Variants in COPG1 observed in about 807,000 individuals in gnomAD.
The protein encoded by COPG1 is coat protein complex I subunit gamma 1.
Under a neutral mutation model 102.8 loss-of-function variants are expected in COPG1, and 29 were observed. That is an observed-to-expected ratio of 0.28 (90% CI 0.21 to 0.38). The LOEUF is 0.38. COPG1 is among the 10% of genes least tolerant of loss of function. COPG1 has a pLI of 1.00. For synonymous variants in COPG1, 406 were observed against 421.6 expected, an observed-to-expected ratio of 0.96 and a Z score of 0.45; for missense variants, 875 against 1,132.7, an observed-to-expected ratio of 0.77 and a Z score of 3.27.
chr3:129,272,348 C>T lies in COPG1; in HGVS notation c.2091C>T (p.Ser697=). The change falls in exon 20 of 24, where the codon AGC becomes AGT. Residue 697 remains serine (S), a synonymous_variant. Coordinates refer to ENST00000314797, the MANE Select transcript of COPG1 (RefSeq NM_016128.4). ...TGCTCTGTTACGTGCCTGCCCGGAG[C>T]CTGCCCTACAACCAGCCCGGGACCT... ...YEVLCYVPAR[S]LPYNQPGTCY... 1 of 1,614,140 alleles carries T rather than the reference C, an allele frequency of 6.2e-7. No homozygotes were observed.
intron 2 of COPG1, 175 bp downstream of exon 2, chr3:129,250,909 CTTCTTTT>C: frequency 4.5e-6 from 1 of 220,690 alleles, no homozygotes; most frequent in Non-Finnish European, 8.5e-6. Context: ...GTTATGCTTA[CTTCTTTT>C]TTTTTTTTTT....
intron 8 of COPG1, among the ~76,000 whole-genome samples, chr3:129,257,186 T>G (rs1381425190): frequency 6.6e-6 from 1 of 152,230 alleles, no homozygotes; most frequent in African/African-American, 2.4e-5. Flanking sequence ...ATCTTTGTGC[T>G]GTTTGTTGTC....
intron 2 of COPG1, among the ~76,000 whole-genome samples, chr3:129,251,607 G>A (rs58539172): frequency 6.3e-4 from 95 of 150,312 alleles, no homozygotes; most frequent in African/African-American, 2.2e-3. Flanking sequence ...GGAGAATGGT[G>A]TGAATCCTGA....
intron 10 of COPG1, 135 bp downstream of exon 10, chr3:129,257,995 C>T: frequency 1.8e-6 from 2 of 1,107,922 alleles, no homozygotes; most frequent in South Asian, 1.5e-5. Flanking sequence ...AGCACCTGCC[C>T]CAGACACTAT....
At position 129,271,861 on chromosome 3, in the gene COPG1, T is replaced by C. The variant is rs775672233; in HGVS notation, c.1938T>C (p.Tyr646=). 3 of 1,614,150 alleles carry C rather than the reference T, an allele frequency of 1.9e-6. No individual in the cohort carries two copies. The Admixed American group carries it at 5.0e-5, about 27-fold the overall frequency. ...CCCTCACCGAGTCAGAGACGGAGTA[T>C]GTCATCCGCTGCACCAAACACACCT... The part of the protein sequence containing the change: ...PVALTESETE[Y]VIRCTKHTFT... The change falls in exon 19 of 24, where the codon TAT becomes TAC. Residue 646 remains tyrosine, a synonymous_variant. Transcript: ENST00000314797. The surrounding 1 kb of genome is among the most constrained non-coding windows in gnomAD (Gnocchi z 4.7).
Position 129,274,911 on chromosome 3 carries a change from A to G in COPG1, c.2330A>G (p.Asp777Gly), listed in dbSNP as rs1360115496. ...VMKLNFEAAWDEVGDEFEKEE... is the reference protein window; with the variant it reads ...VMKLNFEAAWGEVGDEFEKEE... ...AAACTGAACTTCGAAGCAGCCTGGG[A>G]TGAGGTAGGGGATGAATTTGAGAAG... Residue 777 changes from aspartate (D) to glycine (G), a missense_variant, in exon 22 of 24, where the codon GAT becomes GGT. Asp to Gly is a moderately conservative substitution (Grantham distance 94). Transcript: ENST00000314797. 6.2e-7 allele frequency: 1 copy of G among 1,614,150 alleles called. No homozygotes were observed.
rs1376282365 is a variant in COPG1 at position 129,252,305 on chromosome 3, A to T, written c.115A>T (p.Ile39Phe). ...QEARVFNETP[I>F]NPRKCAHILT... ...GGCCCGTGTATTTAATGAAACTCCCATCAACCCTCGGAAATGTGCCCACAT... is the reference window on the plus strand; with the variant it reads ...GGCCCGTGTATTTAATGAAACTCCCTTCAACCCTCGGAAATGTGCCCACAT... Residue 39 changes from isoleucine to phenylalanine, a missense_variant, in exon 3 of 24, where the codon ATC becomes TTC. Transcript: ENST00000314797. The T allele has an allele frequency of 6.2e-7, 1 of 1,612,696 alleles. No homozygotes were observed. The highest frequency in any genetic ancestry group is 1.7e-5 in the Admixed American group (1 of 60,000).
chr3:129,258,428 G>C (rs1490048228), intron 10 of COPG1, among the ~76,000 whole-genome samples: 1 of 152,178 alleles, frequency 6.6e-6, no homozygotes, highest in Non-Finnish European at 1.5e-5. Flanking sequence ...TGCTTAGAAG[G>C]CAACATGTTT....
intron 12 of COPG1, among the ~76,000 whole-genome samples, chr3:129,262,895 C>T (rs948941962): frequency 6.6e-6 from 1 of 151,672 alleles, no homozygotes; most frequent in African/African-American, 2.4e-5. Context: ...TGGCTCACAC[C>T]TGTAGTCCCA....
chr3:129,266,936 C>A, intron 14 of COPG1, 88 bp from the exon 15 acceptor site: 2 of 1,144,242 alleles, frequency 1.7e-6, no homozygotes, highest in Non-Finnish European at 2.6e-6. Flanking sequence ...GGCTCTTCTG[C>A]CTGAAGACCC....
chr3:129,254,897 C>A, intron 6 of COPG1, 88 bp from the exon 7 acceptor site: 1 of 1,235,550 alleles, frequency 8.1e-7, no homozygotes, highest in Admixed American at 1.8e-5. Flanking sequence ...ACTTCCTCCT[C>A]ATACTCATCT....
At chr3:129,264,731 A>G (rs917032126) in intron 13 of COPG1, among the ~76,000 whole-genome samples, 1 of 151,464 alleles carries the variant, frequency 6.6e-6, no homozygotes, top group East Asian at 1.9e-4. Flanking sequence ...TGATCTTCCC[A>G]CCTTAGCCAC....
intron 18 of COPG1, among the ~76,000 whole-genome samples, chr3:129,269,416 C>T (rs934896936): frequency 1.3e-5 from 2 of 152,304 alleles, no homozygotes; most frequent in African/African-American, 4.8e-5. Flanking sequence ...CATCTGTCCT[C>T]TGGTGTTGCA....
chr3:129,250,532 C>A, intron 1 of COPG1, 150 bp from the exon 2 acceptor site: 1 of 647,470 alleles, frequency 1.5e-6, no homozygotes, highest in Non-Finnish European at 2.7e-6. Context: ...AGTAGGATCC[C>A]TAGACAGATT....
chr3:129,249,810 T>C (rs540004617), intron 1 of COPG1, 64 bp downstream of exon 1: 1,017 of 1,521,920 alleles, frequency 6.7e-4, no homozygotes, highest in Non-Finnish European at 6.6e-4. Context: ...TTCCTTCTGG[T>C]TCTCTGTCCT....
chr3:129,253,190 C>G (rs777276408), intron 5 of COPG1: 4 of 473,900 alleles, frequency 8.4e-6, no homozygotes, highest in African/African-American at 2.0e-5. Flanking sequence ...TCTTAGTCAA[C>G]CAAACCAGCT....
At chr3:129,253,018 G>A (rs1939732754) in intron 5 of COPG1, 63 bp downstream of exon 5, 3 of 1,421,280 alleles carry the variant, frequency 2.1e-6, no homozygotes, top group South Asian at 1.2e-5. Flanking sequence ...TTTTTTTCTT[G>A]TGTGTACCAG....
At chr3:129,251,725 C>T (rs1939704994) in intron 2 of COPG1, among the ~76,000 whole-genome samples, 1 of 147,304 alleles carries the variant, frequency 6.8e-6, no homozygotes, top group Non-Finnish European at 1.5e-5. Context: ...TTGCTGGTGT[C>T]AGCCTGGGGT....
Position 129,257,542 on chromosome 3 carries a change from G to A in COPG1, c.652G>A (p.Val218Ile), listed in dbSNP as rs1939833494. 2 of 1,614,088 alleles carry A rather than the reference G, an allele frequency of 1.2e-6. No homozygotes were observed. Among genetic ancestry groups the A allele is most frequent in the African/African-American group, 1.3e-5 (1 of 74,928 alleles). ...RLAVNKMISK[V>I]TRHGLKSPFA... The stretch of plus-strand genomic sequence containing the variant: ...AGCCGTCAATAAGATGATCAGCAAG[G>A]TCACACGGCATGGCCTTAAGTCTCC... Residue 218 changes from valine to isoleucine, a missense_variant, in exon 9 of 24, where the codon GTC becomes ATC. Transcript: ENST00000314797.
Sources: gnomAD v4.1 joint callset for allele counts (sites outside exome capture counted in the v4.1 genomes callset) on GRCh38, gnomAD v4.1.1 for gene constraint, Gnocchi (gnomAD v3.1) non-coding constraint, MANE v1.5 for transcripts, NCBI Gene and HGNC (gene_info 2026-07-23, HGNC 2026-07-21) for gene names.